The following PTPRR variants were observed in gnomAD, a reference collection of about 807,000 sequenced individuals.
PTPRR encodes protein tyrosine phosphatase receptor type R.
In PTPRR, 38 loss-of-function variants were observed where a neutral mutation model predicts 77.2. The observed-to-expected ratio is 0.49, with a 90% CI of 0.38 to 0.65. The LOEUF (loss-of-function observed/expected upper bound fraction) is 0.65. PTPRR is among the 30% of genes least tolerant of loss of function. PTPRR has a pLI of 0.00. For synonymous variants in PTPRR, 299 were observed against 283.1 expected (o/e 1.06, Z -0.57); for missense variants, 744 against 799.2 (o/e 0.93, Z 0.83).
chr12:70,853,887 A>G (rs143962908), intron 2 of PTPRR, among the ~76,000 whole-genome samples: 26 of 152,326 alleles, frequency 1.7e-4, no homozygotes, highest in African/African-American at 5.5e-4. Context: ...AGTTGTTTCT[A>G]CCTTACTCTT....
intron 8 of PTPRR, among the ~76,000 whole-genome samples, chr12:70,692,272 T>G (rs1888081719): frequency 1.3e-5 from 2 of 152,196 alleles, no homozygotes; most frequent in South Asian, 4.1e-4. Context: ...ATATACTTAT[T>G]GATAATTCAG....
chr12:70,727,665 G>A (rs1249235824), intron 6 of PTPRR, among the ~76,000 whole-genome samples: 1 of 152,102 alleles, frequency 6.6e-6, no homozygotes, highest in African/African-American at 2.4e-5. Flanking sequence ...GGAATGATAG[G>A]TGGCAGAGAA....
intron 4 of PTPRR, among the ~76,000 whole-genome samples, chr12:70,758,087 TACTC>T (rs1440026891): frequency 6.6e-6 from 1 of 152,116 alleles, no homozygotes; most frequent in Admixed American, 6.6e-5. Flanking sequence ...CTTCTAGGAG[TACTC>T]AAACAAAAGG....
intron 2 of PTPRR, among the ~76,000 whole-genome samples, chr12:70,845,117 C>G (rs757655375): frequency 1.3e-5 from 2 of 152,126 alleles, no homozygotes; most frequent in African/African-American, 2.4e-5. Context: ...GGAGCTAATT[C>G]TAAAGACTGT....
At chr12:70,768,243 A>T (rs909626977) in intron 2 of PTPRR, among the ~76,000 whole-genome samples, 3 of 152,208 alleles carry the variant, frequency 2.0e-5, no homozygotes, top group Admixed American at 1.3e-4. Flanking sequence ...TTTTGAAAGG[A>T]TCAACAAAAT....
intron 6 of PTPRR, among the ~76,000 whole-genome samples, chr12:70,706,685 C>A (rs1308152324): frequency 6.6e-6 from 1 of 151,958 alleles, no homozygotes; most frequent in Non-Finnish European, 1.5e-5. Flanking sequence ...TTACTACACC[C>A]TTATTTTACA....
At chr12:70,780,117 G>A (rs867398372) in intron 2 of PTPRR, among the ~76,000 whole-genome samples, 8 of 152,018 alleles carry the variant, frequency 5.3e-5, no homozygotes, top group South Asian at 4.2e-4. Flanking sequence ...TCAGCCTCCC[G>A]AGTAGATGGG....
intron 2 of PTPRR, among the ~76,000 whole-genome samples, chr12:70,873,280 T>G (rs752753580): frequency 2.6e-5 from 4 of 152,186 alleles, no homozygotes; most frequent in Admixed American, 6.5e-5. Context: ...AACTGAGCCT[T>G]GAGACTCACT....
intron 10 of PTPRR, chr12:70,672,725 A>G: frequency 6.5e-7 from 1 of 1,545,554 alleles, no homozygotes; most frequent in Non-Finnish European, 8.8e-7. Context: ...GTCACCTTTT[A>G]CCCAGGGGAT....
At chr12:70,687,487 C>G (rs1242432285) in intron 8 of PTPRR, among the ~76,000 whole-genome samples, 3 of 151,876 alleles carry the variant, frequency 2.0e-5, no homozygotes, top group Non-Finnish European at 4.4e-5. Flanking sequence ...TCTTATAGGC[C>G]ACAGGTAAAA....
chr12:70,874,063 C>G (rs572804357), intron 2 of PTPRR, among the ~76,000 whole-genome samples: 1 of 152,268 alleles, frequency 6.6e-6, no homozygotes, highest in Non-Finnish European at 1.5e-5. Flanking sequence ...GAGCAGAACT[C>G]AAGCCTTTTA....
intron 1 of PTPRR, 107 bp from the exon 2 acceptor site, chr12:70,893,084 T>G: frequency 8.1e-7 from 1 of 1,235,134 alleles, no homozygotes. Context: ...TTAAGACTTG[T>G]GAAGGATTTA....
intron 8 of PTPRR, among the ~76,000 whole-genome samples, chr12:70,685,385 C>T (rs1465140226): frequency 6.9e-6 from 1 of 145,358 alleles, no homozygotes; most frequent in African/African-American, 2.6e-5. Context: ...GTGGCTTACA[C>T]TGTAATCTCA....
At chr12:70,730,354 T>TA (rs2136879849) in intron 6 of PTPRR, among the ~76,000 whole-genome samples, 1 of 152,052 alleles carries the variant, frequency 6.6e-6, no homozygotes, top group African/African-American at 2.4e-5. Context: ...CTACTAAAAA[T>TA]ACAAAAATTA....
chr12:70,682,778 T>C (rs1172767794), intron 10 of PTPRR, among the ~76,000 whole-genome samples: 2 of 152,226 alleles, frequency 1.3e-5, no homozygotes, highest in Non-Finnish European at 2.9e-5. Flanking sequence ...AGATTGACAC[T>C]GTGTGGGAAA....
intron 6 of PTPRR, among the ~76,000 whole-genome samples, chr12:70,728,985 C>T (rs1889555620): frequency 1.3e-5 from 2 of 152,110 alleles, no homozygotes; most frequent in Admixed American, 1.3e-4. Flanking sequence ...TGTTTCAGTT[C>T]TAGAACTCTG....
At chr12:70,834,787 A>T (rs2137053865) in intron 2 of PTPRR, among the ~76,000 whole-genome samples, 1 of 152,256 alleles carries the variant, frequency 6.6e-6, no homozygotes, top group African/African-American at 2.4e-5. Flanking sequence ...TCTAGGAGGC[A>T]GTATTTATCA....
chr12:70,886,869 A>T (rs996622266), intron 2 of PTPRR, among the ~76,000 whole-genome samples: 3 of 152,218 alleles, frequency 2.0e-5, no homozygotes, highest in Non-Finnish European at 2.9e-5. Context: ...GGAACAAAAT[A>T]AAAAAATCTC....
At chr12:70,732,873 A>ATT (rs61300921) in intron 6 of PTPRR, among the ~76,000 whole-genome samples, 1 of 151,902 alleles carries the variant, frequency 6.6e-6, no homozygotes, top group South Asian at 2.1e-4. Flanking sequence ...ATCTATTTTT[A>ATT]TTTTTTTAAA....
Sources: gnomAD v4.1 joint callset for allele counts (sites outside exome capture counted in the v4.1 genomes callset) on GRCh38, gnomAD v4.1.1 for gene constraint, MANE v1.5 for transcripts, NCBI Gene and HGNC (gene_info 2026-07-23, HGNC 2026-07-21) for gene names.